Variants in CDH2 observed in about 807,000 individuals in gnomAD.
CDH2 encodes cadherin 2.
CDH2 carries 17 observed loss-of-function variants against 92.0 expected under a neutral mutation model. The observed-to-expected ratio is 0.18, with a 90% CI of 0.13 to 0.28. CDH2 has a LOEUF of 0.28. CDH2 is among the 10% of genes least tolerant of loss of function. The pLI is 1.00. For synonymous variants in CDH2, 419 were observed against 415.9 expected (o/e 1.01, Z -0.09); for missense variants, 862 against 1,133.1 (o/e 0.76, Z 3.44).
chr18:27,941,281 C>A (rs545127189), intron 6 of CDH2, among the ~76,000 whole-genome samples: 32 of 152,166 alleles, frequency 2.1e-4, no homozygotes, highest in African/African-American at 7.2e-4. Context: ...GTGATCCGCC[C>A]GTCTCGGCCT....
At chr18:28,146,825 T>C (rs1350683271) in intron 2 of CDH2, 1 of 152,078 alleles carries the variant, frequency 6.6e-6, no homozygotes, top group African/African-American at 2.4e-5. Flanking sequence ...GCCTCAGAGA[T>C]ATGCAAGATT....
chr18:28,063,420 A>G (rs1018004389), intron 2 of CDH2, among the ~76,000 whole-genome samples: 1 of 152,206 alleles, frequency 6.6e-6, no homozygotes, highest in East Asian at 1.9e-4. Flanking sequence ...GGTTCCTTTG[A>G]GGAATTGTTC....
chr18:28,049,988 T>C (rs1288117630), intron 2 of CDH2, among the ~76,000 whole-genome samples: 2 of 152,140 alleles, frequency 1.3e-5, no homozygotes, highest in African/African-American at 4.8e-5. Flanking sequence ...TGGAGTATGC[T>C]ACCACCATGC....
chr18:28,140,454 G>A (rs891407628), intron 2 of CDH2, among the ~76,000 whole-genome samples: 2 of 151,902 alleles, frequency 1.3e-5, no homozygotes, highest in Admixed American at 6.6e-5. Flanking sequence ...ATTAGGAGGT[G>A]GAATTTGTGG....
chr18:27,955,369 TAAA>T (rs760993428), intron 15 of CDH2, among the ~76,000 whole-genome samples: 2 of 30,996 alleles, frequency 6.5e-5, no homozygotes, highest in South Asian at 1.7e-3. Context: ...AGTATAATAG[TAAA>T]AAAAAAAAAA....
Position 28,101,093 on chromosome 18 carries a change from A to G in CDH2, c.172+46580T>C, listed in dbSNP as rs184753583. On this transcript the variant is annotated intron_variant, in intron 2 of 15. Transcript: ENST00000269141. ...CCCAGTGGAGAACTGACCATCCAGT[A>G]TACACGATGATTTAAACACGTAAAA... 1.1e-4 allele frequency among the ~76,000 whole-genome samples: 17 copies of G among 152,344 alleles called. No individual in the cohort carries two copies. In the East Asian group the frequency reaches 3.3e-3, roughly 29 times the overall value.
intron 1 of CDH2, among the ~76,000 whole-genome samples, chr18:28,176,645 C>T (rs531178170): frequency 1.2e-3 from 185 of 152,204 alleles, no homozygotes; most frequent in Non-Finnish European, 2.2e-3. Context: ...GTTATCCTGC[C>T]TCACCCTCCT....
chr18:28,172,999 T>G (rs1300865770), intron 1 of CDH2, among the ~76,000 whole-genome samples: 1 of 152,142 alleles, frequency 6.6e-6, no homozygotes, highest in Non-Finnish European at 1.5e-5. Flanking sequence ...GCACAACAGA[T>G]TTAAGAATTG....
At position 28,007,165 on chromosome 18, in the gene CDH2, A is replaced by AAAAAAAT. The variant is rs1172779200; in HGVS notation, c.703-1173_703-1172insATTTTTT. Among the ~76,000 whole-genome samples the AAAAAAAT allele has an allele frequency of 7.4e-3, 814 of 110,358 alleles. 9 individuals are homozygous for AAAAAAAT. Among genetic ancestry groups the AAAAAAAT allele is most frequent in the East Asian group, 0.017 (76 of 4,346 alleles). 72.4% of individuals were successfully genotyped at this position (110,358 alleles called of 152,430 possible). ...ACAGAGTGAGACTCCATAAAAAAAA[A>AAAAAAAT]ATATATATATATATATATATATATA... On this transcript the variant is annotated intron_variant, in intron 5 of 15. Coordinates refer to ENST00000269141, the MANE Select transcript of CDH2 (RefSeq NM_001792.5).
chr18:28,096,146 C>G (rs1599097594), intron 2 of CDH2, among the ~76,000 whole-genome samples: 1 of 152,068 alleles, frequency 6.6e-6, no homozygotes, highest in African/African-American at 2.4e-5. Context: ...TGTAAAAGTA[C>G]ATATTACAGA....
At position 28,040,259 on chromosome 18, in the gene CDH2, A is replaced by G. The variant is rs2013923098; in HGVS notation, c.173-26350T>C. On this transcript the variant is annotated intron_variant, in intron 2 of 15. Coordinates refer to ENST00000269141, the MANE Select transcript of CDH2 (RefSeq NM_001792.5). ...CCACCCCAGAATTCTTGTATGATCA[A>G]GATAGTAATAGTACTCCTAACTTAT... is the stretch of plus-strand genomic sequence containing the variant. Among the ~76,000 whole-genome samples, 3 of 152,148 alleles carry G rather than the reference A, an allele frequency of 2.0e-5. No homozygotes were observed. The South Asian group carries it at 6.2e-4, about 31-fold the overall frequency.
chr18:28,041,621 A>C (rs1364654727), intron 2 of CDH2, among the ~76,000 whole-genome samples: 5 of 152,184 alleles, frequency 3.3e-5, no homozygotes, highest in Non-Finnish European at 5.9e-5. Context: ...GGGTAGAATT[A>C]GCCTAGTGAT....
intron 2 of CDH2, among the ~76,000 whole-genome samples, chr18:28,066,988 C>A (rs2014521194): frequency 6.6e-6 from 1 of 152,046 alleles, no homozygotes; most frequent in Non-Finnish European, 1.5e-5. Flanking sequence ...CCTATAAAAA[C>A]AAAACTTCAT....
intron 14 of CDH2, among the ~76,000 whole-genome samples, chr18:27,978,919 GT>G (rs2143935321): frequency 1.3e-5 from 2 of 151,824 alleles, no homozygotes; most frequent in East Asian, 3.9e-4. Flanking sequence ...GCCTCCCAAA[GT>G]CCTGGGATTA....
chr18:28,058,924 T>C (rs1477666369), intron 2 of CDH2, among the ~76,000 whole-genome samples: 1 of 152,224 alleles, frequency 6.6e-6, no homozygotes, highest in Non-Finnish European at 1.5e-5. Context: ...GACACTTGGT[T>C]ACAAAACAAT....
At chr18:28,040,143 A>C (rs146268638) in intron 2 of CDH2, among the ~76,000 whole-genome samples, 1 of 152,314 alleles carries the variant, frequency 6.6e-6, no homozygotes, top group African/African-American at 2.4e-5. Context: ...ATTTGTGCAC[A>C]GGGCCTCAGA....
chr18:28,069,717 C>T (rs940964450), intron 2 of CDH2, among the ~76,000 whole-genome samples: 3 of 152,088 alleles, frequency 2.0e-5, no homozygotes, highest in African/African-American at 4.8e-5. Context: ...CACCAGAATG[C>T]GGGACACATT....
chr18:28,153,323 A>G (rs1340459936), intron 1 of CDH2, among the ~76,000 whole-genome samples: 1 of 151,998 alleles, frequency 6.6e-6, no homozygotes, highest in African/African-American at 2.4e-5. Flanking sequence ...TTTGCTGCTG[A>G]TTTTGGGTCC....
Position 27,990,374 on chromosome 18 carries a change from A to AT in CDH2, c.1345-25dup, listed in dbSNP as rs781180025. On this transcript the variant is annotated intron_variant, in intron 9 of 15. Coordinates refer to ENST00000269141, the MANE Select transcript of CDH2 (RefSeq NM_001792.5). Reference sequence around the variant, plus strand: ...GGCTGGAAAATAAAAGGGAAGCCATATTTTTGCAGGAAATAAGAATGCTTG... The same window carrying AT: ...GGCTGGAAAATAAAAGGGAAGCCATATTTTTTGCAGGAAATAAGAATGCTTG... 1.9e-5 allele frequency: 31 copies of AT among 1,595,654 alleles called. No homozygotes were observed. In the South Asian group the frequency reaches 3.5e-4, roughly 18 times the overall value.
Sources: allele counts gnomAD v4.1 joint callset (sites outside exome capture counted in the v4.1 genomes callset), GRCh38; gene constraint gnomAD v4.1.1; transcripts MANE v1.5; gene names NCBI Gene and HGNC (gene_info 2026-07-23, HGNC 2026-07-21).